Variants in SRGAP1 observed in about 807,000 individuals in gnomAD.
The protein encoded by SRGAP1 is SLIT-ROBO Rho GTPase-activating protein 1.
A neutral mutation model predicts 121.9 loss-of-function variants in SRGAP1; 43 were observed. The observed-to-expected ratio is 0.35, with a 90% CI of 0.28 to 0.46. The LOEUF (loss-of-function observed/expected upper bound fraction) is 0.46, where lower values mean the gene tolerates loss of function less well. SRGAP1 is among the 20% of genes least tolerant of loss of function. The pLI is 1.00. For missense variants in SRGAP1, 1,102 were observed against 1,350.9 expected, an observed-to-expected ratio of 0.82 and a Z score of 2.89; for synonymous variants, 447 against 485.4, an observed-to-expected ratio of 0.92 and a Z score of 1.04.
intron 1 of SRGAP1, among the ~76,000 whole-genome samples, chr12:63,894,029 G>A (rs888854270): frequency 7.2e-5 from 11 of 152,078 alleles, no homozygotes; most frequent in African/African-American, 2.4e-4. Context: ...TAGTAGAGAC[G>A]GGGTTTCGCC....
chr12:63,916,102 G>A (rs1348811682), intron 1 of SRGAP1, among the ~76,000 whole-genome samples: 1 of 140,348 alleles, frequency 7.1e-6, no homozygotes, highest in African/African-American at 2.6e-5. Context: ...GTGTGATCAT[G>A]GCTCATTGCA....
intron 1 of SRGAP1, among the ~76,000 whole-genome samples, chr12:63,882,962 T>TG (rs1900245552): frequency 6.6e-6 from 1 of 152,074 alleles, no homozygotes; most frequent in Non-Finnish European, 1.5e-5. Flanking sequence ...AAGATCAGCC[T>TG]GGTCTCTGAA....
At position 64,111,900 on chromosome 12, in the gene SRGAP1, C is replaced by T; in HGVS notation, c.2058C>T (p.Ile686=). 6.2e-7 allele frequency: 1 copy of T among 1,614,012 alleles called. No homozygotes were observed. The highest frequency in any genetic ancestry group is 8.5e-7 in the Non-Finnish European group (1 of 1,179,992). The change falls in exon 17 of 22, where the codon ATC becomes ATT. Residue 686 remains isoleucine (I), a synonymous_variant. Transcript: ENST00000355086. ...QAHVNEIIKT[I]IIHHETIFPD... Reference sequence around the variant, plus strand: ...ATGTGAATGAAATTATCAAAACCATCATCATCCACCATGAGACTATTTTCC... The same window carrying T: ...ATGTGAATGAAATTATCAAAACCATTATCATCCACCATGAGACTATTTTCC...
chr12:64,083,265 G>C (rs561770047), intron 10 of SRGAP1, among the ~76,000 whole-genome samples: 1 of 152,240 alleles, frequency 6.6e-6, no homozygotes, highest in African/African-American at 2.4e-5. Context: ...TTTTTATATA[G>C]AAATCACCTC....
intron 1 of SRGAP1, among the ~76,000 whole-genome samples, chr12:63,901,251 G>A (rs1242670764): frequency 6.6e-6 from 1 of 152,072 alleles, no homozygotes; most frequent in South Asian, 2.1e-4. Flanking sequence ...AGGAACCCCA[G>A]GGCAAATAAT....
At chr12:63,967,979 T>C (rs1163012700) in intron 1 of SRGAP1, among the ~76,000 whole-genome samples, 2 of 152,192 alleles carry the variant, frequency 1.3e-5, no homozygotes, top group Admixed American at 1.3e-4. Flanking sequence ...GTATTTTCAA[T>C]GCTAGGAAAC....
chr12:63,895,459 G>A (rs1373893262), intron 1 of SRGAP1, among the ~76,000 whole-genome samples: 1 of 152,188 alleles, frequency 6.6e-6, no homozygotes, highest in African/African-American at 2.4e-5. Flanking sequence ...AACCAAATTT[G>A]GAAATGTACT....
intron 15 of SRGAP1, among the ~76,000 whole-genome samples, chr12:64,101,350 T>TGTGTGTGTGTGA (rs1244966634): frequency 6.7e-6 from 1 of 150,196 alleles, no homozygotes; most frequent in Non-Finnish European, 1.5e-5. Context: ...TGTGTGTGTG[T>TGTGTGTGTGTGA]GATGAGTAGT....
intron 1 of SRGAP1, among the ~76,000 whole-genome samples, chr12:63,899,356 G>C (rs1371511792): frequency 6.6e-6 from 1 of 151,592 alleles, no homozygotes; most frequent in African/African-American, 2.4e-5. Context: ...AAAGGAACCA[G>C]GTTTGCTACA....
chr12:64,025,311 T>A (rs1276875623), intron 4 of SRGAP1, among the ~76,000 whole-genome samples: 7 of 152,252 alleles, frequency 4.6e-5, no homozygotes, highest in African/African-American at 1.4e-4. Context: ...GGCATCCTTC[T>A]ATAAAGAAGA....
intron 6 of SRGAP1, among the ~76,000 whole-genome samples, chr12:64,052,352 G>T (rs1291443058): frequency 6.6e-6 from 1 of 152,034 alleles, no homozygotes; most frequent in African/African-American, 2.4e-5. Flanking sequence ...TCAGAAGTTC[G>T]AGACCAGCTG....
At chr12:63,847,092 G>T (rs988098606) in intron 1 of SRGAP1, among the ~76,000 whole-genome samples, 1 of 152,176 alleles carries the variant, frequency 6.6e-6, no homozygotes, top group Admixed American at 6.5e-5. Flanking sequence ...ATTTCAGGAG[G>T]CTGAGGCAGG....
rs761439532 is a variant in SRGAP1, at chr12:64,043,475, T to G, written c.701T>G (p.Leu234Arg). 6.2e-7 allele frequency: 1 copy of G among 1,612,026 alleles called. No individual in the cohort carries two copies. The highest frequency in any genetic ancestry group is 8.5e-7 in the Non-Finnish European group (1 of 1,179,298). ...KRQAKYSENK[L>R]KSIKARNEYL... ...CAAGCAAAATATTCAGAAAATAAGC[T>G]AAAATCAATTAAGGCACGGAACGAA... The change falls in exon 6 of 22, where the codon CTA becomes CGA. Residue 234 changes from leucine to arginine, a missense_variant. This residue lies in a region of SRGAP1 where 747 missense variants were observed against 929.4 expected (regional missense o/e 0.80). Coordinates refer to ENST00000355086, the MANE Select transcript of SRGAP1 (RefSeq NM_020762.4).
intron 1 of SRGAP1, chr12:63,888,606 C>A (rs945464191): frequency 5.3e-5 from 8 of 152,164 alleles, no homozygotes. Flanking sequence ...GCTCTAATGG[C>A]ATGTTCTCAT....
intron 4 of SRGAP1, among the ~76,000 whole-genome samples, chr12:64,030,465 C>A (rs780695345): frequency 2.0e-4 from 30 of 152,278 alleles, no homozygotes; most frequent in Admixed American, 3.9e-4. Flanking sequence ...TTTAATAAGG[C>A]ATAAAACAAT....
intron 1 of SRGAP1, among the ~76,000 whole-genome samples, chr12:63,886,005 C>T (rs1226631273): frequency 6.6e-6 from 1 of 152,166 alleles, no homozygotes; most frequent in Non-Finnish European, 1.5e-5. Flanking sequence ...ATCTGTCTGG[C>T]TCATTGGATT....
chr12:64,086,926 G>T, intron 10 of SRGAP1, 73 bp from the exon 11 acceptor site: 2 of 1,085,102 alleles, frequency 1.8e-6, no homozygotes, highest in Non-Finnish European at 1.4e-6. Context: ...TACCGGATAG[G>T]AGATACAAAA....
At chr12:64,096,364 G>A (rs1482483271) in intron 14 of SRGAP1, among the ~76,000 whole-genome samples, 1 of 152,100 alleles carries the variant, frequency 6.6e-6, no homozygotes, top group Non-Finnish European at 1.5e-5. Context: ...AAAAAAATAC[G>A]TTAAAATGCA....
intron 12 of SRGAP1, chr12:64,091,793 T>C: frequency 2.3e-6 from 2 of 863,964 alleles, no homozygotes; most frequent in Non-Finnish European, 3.5e-6. Flanking sequence ...AGGAATTCAT[T>C]ATATTGAATG....
Sources: gnomAD v4.1 joint callset for allele counts (sites outside exome capture counted in the v4.1 genomes callset) on GRCh38, gnomAD v4.1.1 for gene constraint, gnomAD v4.1.1 regional missense constraint, MANE v1.5 for transcripts, NCBI Gene and HGNC (gene_info 2026-07-23, HGNC 2026-07-21) for gene names.